Variants in ROBO1 observed in about 807,000 individuals in gnomAD.
The protein encoded by ROBO1 is roundabout homolog 1.
ROBO1 carries 149 observed loss-of-function variants against 195.9 expected under a neutral mutation model. That is an observed-to-expected ratio of 0.76 (90% CI 0.67 to 0.87). The LOEUF is 0.87. ROBO1 is among the 40% of genes least tolerant of loss of function. ROBO1 has a pLI of 0.00. For missense variants in ROBO1, 1,933 were observed against 2,068.3 expected (o/e 0.93, Z 1.27); for synonymous variants, 816 against 733.2 (o/e 1.11, Z -1.82).
intron 1 of ROBO1, among the ~76,000 whole-genome samples, chr3:79,752,371 C>T: frequency 6.6e-6 from 1 of 152,104 alleles, no homozygotes; most frequent in Non-Finnish European, 1.5e-5. Flanking sequence ...TAGCAATGGA[C>T]ATAGAGTCAC....
chr3:78,773,473 A>AT (rs542645732), intron 4 of ROBO1, among the ~76,000 whole-genome samples: 202 of 152,302 alleles, frequency 1.3e-3, no homozygotes, highest in Non-Finnish European at 2.2e-3. Context: ...TTTTAAAATG[A>AT]TTAAACTGTT....
intron 1 of ROBO1, among the ~76,000 whole-genome samples, chr3:79,740,590 G>C (rs1057358346): frequency 2.0e-5 from 3 of 152,082 alleles, no homozygotes; most frequent in African/African-American, 7.2e-5. Flanking sequence ...GCCGAGCAAA[G>C]CAAGAAGCCA....
intron 1 of ROBO1, among the ~76,000 whole-genome samples, chr3:79,700,462 A>G (rs1947590763): frequency 6.6e-6 from 1 of 151,810 alleles, no homozygotes; most frequent in Non-Finnish European, 1.5e-5. Flanking sequence ...TGCTTTCCAC[A>G]GTGGCTGAAC....
intron 2 of ROBO1, among the ~76,000 whole-genome samples, chr3:79,524,116 T>C (rs943790310): frequency 2.0e-5 from 3 of 151,814 alleles, no homozygotes; most frequent in Admixed American, 2.0e-4. Flanking sequence ...GCATAAAGAG[T>C]CTTCGTTAGA....
At chr3:78,958,216 C>T (rs1215824182) in intron 3 of ROBO1, among the ~76,000 whole-genome samples, 1 of 152,186 alleles carries the variant, frequency 6.6e-6, no homozygotes, top group Non-Finnish European at 1.5e-5. Context: ...TAACTGTTTT[C>T]TTACCTATTC....
chr3:78,686,412 C>T (rs1016780547), intron 9 of ROBO1, among the ~76,000 whole-genome samples: 10 of 151,706 alleles, frequency 6.6e-5, no homozygotes, highest in African/African-American at 7.3e-5. Flanking sequence ...AAAAATTAGC[C>T]GGGCGTGGTG....
chr3:79,451,646 G>T (rs942513680), intron 2 of ROBO1, among the ~76,000 whole-genome samples: 1 of 152,054 alleles, frequency 6.6e-6, no homozygotes, highest in Admixed American at 6.6e-5. Context: ...GGATTGATTG[G>T]ATGATCTATC....
chr3:79,483,081 G>A (rs1938953608), intron 2 of ROBO1, among the ~76,000 whole-genome samples: 1 of 152,292 alleles, frequency 6.6e-6, no homozygotes, highest in Admixed American at 6.5e-5. Flanking sequence ...GACCACAGTT[G>A]TGTCATGTAA....
chr3:78,767,388 C>T (rs1372490195), intron 4 of ROBO1, among the ~76,000 whole-genome samples: 1 of 152,110 alleles, frequency 6.6e-6, no homozygotes, highest in East Asian at 1.9e-4. Flanking sequence ...GCCTCAACCT[C>T]CTGAGTAGCT....
At chr3:79,144,377 G>A (rs1229925622) in intron 2 of ROBO1, among the ~76,000 whole-genome samples, 2 of 152,022 alleles carry the variant, frequency 1.3e-5, no homozygotes, top group African/African-American at 4.8e-5. Flanking sequence ...ACCTCTGAGA[G>A]CTCGTTCCTT....
chr3:79,007,161 T>A (rs1559583884), intron 3 of ROBO1, among the ~76,000 whole-genome samples: 1 of 152,120 alleles, frequency 6.6e-6, no homozygotes. Context: ...GCCTGAAGAA[T>A]AACAAGTTTA....
At chr3:78,938,400 G>A (rs1031213740) in intron 4 of ROBO1, 29 of 535,418 alleles carry the variant, frequency 5.4e-5, no homozygotes, top group Middle Eastern at 5.0e-4. Flanking sequence ...CCAACTGTGT[G>A]TAAATACCAA....
intron 2 of ROBO1, among the ~76,000 whole-genome samples, chr3:79,277,574 C>T (rs1291485421): frequency 6.6e-6 from 1 of 151,892 alleles, no homozygotes; most frequent in African/African-American, 2.4e-5. Flanking sequence ...GCACAAGTGA[C>T]TTCAGTCAAC....
intron 1 of ROBO1, among the ~76,000 whole-genome samples, chr3:79,763,422 T>C (rs1192140595): frequency 6.6e-6 from 1 of 152,152 alleles, no homozygotes; most frequent in Non-Finnish European, 1.5e-5. Flanking sequence ...TTACTTGGAA[T>C]TTCAGAGGTA....
intron 2 of ROBO1, among the ~76,000 whole-genome samples, chr3:79,437,396 C>A (rs1361522598): frequency 6.6e-6 from 1 of 151,976 alleles, no homozygotes; most frequent in Non-Finnish European, 1.5e-5. Flanking sequence ...CCTGCAATAT[C>A]TACCAAAGGT....
intron 2 of ROBO1, among the ~76,000 whole-genome samples, chr3:79,196,452 G>A (rs569956209): frequency 7.9e-5 from 12 of 151,464 alleles, no homozygotes; most frequent in African/African-American, 2.7e-4. Flanking sequence ...ACAAAAGAGC[G>A]AGTGATTGAG....
intron 2 of ROBO1, among the ~76,000 whole-genome samples, chr3:79,293,184 C>T (rs2032362571): frequency 6.6e-6 from 1 of 152,170 alleles, no homozygotes; most frequent in Non-Finnish European, 1.5e-5. Context: ...ATAGTATTCT[C>T]TGATGGTAAG....
At chr3:79,653,291 C>T (rs1946067174) in intron 1 of ROBO1, among the ~76,000 whole-genome samples, 1 of 151,640 alleles carries the variant, frequency 6.6e-6, no homozygotes. Flanking sequence ...ATTTTCTTGT[C>T]AAATATAACT....
At chr3:78,660,380 T>C (rs1247077926) in intron 16 of ROBO1, 2 of 152,650 alleles carry the variant, frequency 1.3e-5, no homozygotes, top group African/African-American at 4.8e-5. Context: ...CTATTTCTTC[T>C]ACCGTGTAAC....
Sources: allele counts gnomAD v4.1 joint callset (sites outside exome capture counted in the v4.1 genomes callset), GRCh38; gene constraint gnomAD v4.1.1; transcripts MANE v1.5; gene names NCBI Gene and HGNC (gene_info 2026-07-23, HGNC 2026-07-21).